Variants in NAV2 observed in about 807,000 individuals in gnomAD.
NAV2 encodes the protein neuron navigator 2.
Under a neutral mutation model 223.2 loss-of-function variants are expected in NAV2, and 54 were observed. That is an observed-to-expected ratio of 0.24 (90% CI 0.19 to 0.30). NAV2 has a LOEUF of 0.30. Ranked by LOEUF, NAV2 falls within the 10% of genes least tolerant of loss-of-function variation. The pLI, the probability that NAV2 is intolerant of heterozygous loss-of-function variation, is 1.00. For synonymous variants in NAV2, 1,279 were observed against 1,239.3 expected, an observed-to-expected ratio of 1.03 and a Z score of -0.67; for missense variants, 2,806 against 3,147.5, an observed-to-expected ratio of 0.89 and a Z score of 2.60.
chr11:20,031,113 C>T (rs1427159039), intron 11 of NAV2, among the ~76,000 whole-genome samples: 2 of 152,178 alleles, frequency 1.3e-5, no homozygotes, highest in African/African-American at 4.8e-5. Flanking sequence ...CAGGAATGGT[C>T]CAATCCTCTT....
At chr11:19,456,081 T>C (rs986208406) in intron 1 of NAV2, among the ~76,000 whole-genome samples, 1 of 152,196 alleles carries the variant, frequency 6.6e-6, no homozygotes, top group Non-Finnish European at 1.5e-5. Flanking sequence ...GGTATAACAA[T>C]GTCATCCAAG....
chr11:19,640,707 C>A (rs984544178), intron 1 of NAV2, among the ~76,000 whole-genome samples: 5 of 152,162 alleles, frequency 3.3e-5, no homozygotes, highest in African/African-American at 9.6e-5. Flanking sequence ...GTGTTCTGGG[C>A]AGGTGGCTGG....
chr11:20,032,238 A>G (rs957364348), intron 11 of NAV2, among the ~76,000 whole-genome samples: 6 of 152,092 alleles, frequency 3.9e-5, no homozygotes, highest in Non-Finnish European at 2.9e-5. Flanking sequence ...CATCCTTGTC[A>G]TAAGTGTCCC....
intron 6 of NAV2, among the ~76,000 whole-genome samples, chr11:19,904,282 T>C (rs1241567545): frequency 1.3e-5 from 2 of 152,258 alleles, no homozygotes; most frequent in East Asian, 3.9e-4. Context: ...CCAAGCATTA[T>C]GCCAGTCACT....
chr11:19,976,117 T>C (rs959823940), intron 10 of NAV2, among the ~76,000 whole-genome samples: 2 of 152,188 alleles, frequency 1.3e-5, no homozygotes, highest in Non-Finnish European at 2.9e-5. Flanking sequence ...GCGTTTTCAC[T>C]CCTGGATCAT....
intron 1 of NAV2, among the ~76,000 whole-genome samples, chr11:19,367,856 T>A (rs1848340186): frequency 6.6e-6 from 1 of 152,194 alleles, no homozygotes; most frequent in Admixed American, 6.5e-5. Context: ...AATGGAGACA[T>A]CATTATATTA....
chr11:19,713,221 GCTCGCTCTTTCT>G lies in NAV2; in HGVS notation c.-469_-458del. 1 of 732,526 alleles carries G rather than the reference GCTCGCTCTTTCT, an allele frequency of 1.4e-6. No homozygotes were observed. Among genetic ancestry groups the G allele is most frequent in the Non-Finnish European group, 1.7e-6 (1 of 598,090 alleles). The allele number at this position is 732,526 out of a possible 1,614,324, so 45.4% of individuals were successfully genotyped here. A position where few individuals can be genotyped will look rare whatever the true frequency, so the allele number is the denominator to read the frequency against. On this transcript the variant is annotated 5_prime_UTR_variant, in exon 1 of 38. Transcript: ENST00000349880. This position sits in a 1 kb window ranked among gnomAD's most constrained non-coding sequence, Gnocchi z 7.2. Reference sequence around the variant, plus strand: ...TGCTGTCTCCTTTCCTTCCTTGGCTGCTCGCTCTTTCTCTCGCCGGCTCAGACCCGTAGCCTC... The same window carrying G: ...TGCTGTCTCCTTTCCTTCCTTGGCTGCTCGCCGGCTCAGACCCGTAGCCTC...
At chr11:19,759,168 C>T (rs372592344) in intron 1 of NAV2, among the ~76,000 whole-genome samples, 5 of 149,328 alleles carry the variant, frequency 3.3e-5, no homozygotes, top group South Asian at 4.3e-4. Context: ...CTGCAAGCTC[C>T]GCCTCCCGGG....
At chr11:20,118,052 AG>A in intron 37 of NAV2, 80 bp from the exon 38 acceptor site, 1 of 1,506,022 alleles carries the variant, frequency 6.6e-7, no homozygotes, top group Admixed American at 1.8e-5. Context: ...AGTCTGGAGG[AG>A]GTGGCATGAC....
chr11:20,058,906 C>T (rs1257267716), intron 19 of NAV2, among the ~76,000 whole-genome samples: 1 of 152,106 alleles, frequency 6.6e-6, no homozygotes, highest in African/African-American at 2.4e-5. Context: ...TTATAATTGT[C>T]ATATTATAGC....
intron 1 of NAV2, among the ~76,000 whole-genome samples, chr11:19,456,688 A>G (rs924385324): frequency 3.3e-5 from 5 of 152,182 alleles, no homozygotes; most frequent in African/African-American, 1.2e-4. Context: ...GAACAAATAA[A>G]TAACATGTCT....
chr11:19,360,443 C>T (rs1460252708), intron 1 of NAV2, among the ~76,000 whole-genome samples: 2 of 152,328 alleles, frequency 1.3e-5, no homozygotes, highest in East Asian at 1.9e-4. Context: ...CCCAATCTCT[C>T]CCCTGTTGAA....
chr11:19,591,025 T>C (rs1255401474), intron 1 of NAV2: 3 of 152,238 alleles, frequency 2.0e-5, no homozygotes, highest in African/African-American at 7.2e-5. Flanking sequence ...ATAATTCACT[T>C]TAGGGCCCTA....
chr11:19,805,332 A>G (rs2058497763), intron 1 of NAV2, among the ~76,000 whole-genome samples: 1 of 152,070 alleles, frequency 6.6e-6, no homozygotes, highest in South Asian at 2.1e-4. Context: ...TTTTATTAAC[A>G]GTTTCTCCAC....
intron 6 of NAV2, among the ~76,000 whole-genome samples, chr11:19,898,327 T>G (rs1309693277): frequency 1.3e-5 from 2 of 152,206 alleles, no homozygotes; most frequent in Admixed American, 1.3e-4. Context: ...AGCCACTGTT[T>G]ATCACTTTGT....
At chr11:20,061,010 C>T (rs1408444413) in intron 19 of NAV2, among the ~76,000 whole-genome samples, 2 of 152,134 alleles carry the variant, frequency 1.3e-5, no homozygotes, top group Non-Finnish European at 2.9e-5. Context: ...AGATGAATGC[C>T]ATTTAGTACA....
chr11:19,829,013 T>C (rs2059796894), intron 1 of NAV2, among the ~76,000 whole-genome samples: 3 of 152,208 alleles, frequency 2.0e-5, no homozygotes, highest in Admixed American at 1.3e-4. Flanking sequence ...AGTTTAACCT[T>C]GGCTTCTTGC....
intron 1 of NAV2, among the ~76,000 whole-genome samples, chr11:19,733,550 T>C (rs1311032671): frequency 6.6e-6 from 1 of 152,244 alleles, no homozygotes; most frequent in African/African-American, 2.4e-5. Flanking sequence ...TTAAGGCACC[T>C]GCACCGTTAG....
At chr11:19,864,711 C>T (rs941557767) in intron 3 of NAV2, among the ~76,000 whole-genome samples, 6 of 152,210 alleles carry the variant, frequency 3.9e-5, no homozygotes, top group Non-Finnish European at 2.9e-5. Flanking sequence ...GCAGTCTCAG[C>T]TGAGATTGGC....
Sources: gnomAD v4.1 joint callset for allele counts (sites outside exome capture counted in the v4.1 genomes callset) on GRCh38, gnomAD v4.1.1 for gene constraint, Gnocchi (gnomAD v3.1) non-coding constraint, MANE v1.5 for transcripts, NCBI Gene and HGNC (gene_info 2026-07-23, HGNC 2026-07-21) for gene names.